RASAL2: variants seen among roughly 807,000 people sequenced by gnomAD.
RASAL2 encodes the protein RAS protein activator like 2, also known as ras GTPase-activating protein nGAP.
In RASAL2, 58 loss-of-function variants were observed where a neutral mutation model predicts 128.9. The observed-to-expected ratio is 0.45, with a 90% CI of 0.36 to 0.56. RASAL2 has a LOEUF of 0.56. Among genes scored for constraint, RASAL2 ranks in the 20% least tolerant of loss-of-function variants. The pLI, the probability that RASAL2 is intolerant of heterozygous loss-of-function variation, is 0.00. For missense variants in RASAL2, 1,360 were observed against 1,601.6 expected, an observed-to-expected ratio of 0.85 and a Z score of 2.57; for synonymous variants, 561 against 580.8, an observed-to-expected ratio of 0.97 and a Z score of 0.49.
chr1:178,271,511 G>A (rs1401374846), intron 1 of RASAL2, among the ~76,000 whole-genome samples: 1 of 152,118 alleles, frequency 6.6e-6, no homozygotes, highest in African/African-American at 2.4e-5. Context: ...TGGAGCTCTT[G>A]GAGCAATTCC....
chr1:178,447,311 G>C (rs1336493147), intron 9 of RASAL2, among the ~76,000 whole-genome samples: 1 of 149,350 alleles, frequency 6.7e-6, no homozygotes, highest in Non-Finnish European at 1.5e-5. Flanking sequence ...GACAGAGAAA[G>C]ACCTTGTCTT....
At chr1:178,121,572 A>G (rs1470550146) in intron 1 of RASAL2, among the ~76,000 whole-genome samples, 2 of 151,488 alleles carry the variant, frequency 1.3e-5, no homozygotes, top group Admixed American at 6.6e-5. Context: ...TGCAACCTCC[A>G]TCTCCCGGGT....
At chr1:178,439,708 C>A in intron 6 of RASAL2, 133 bp downstream of exon 6, 1 of 781,462 alleles carries the variant, frequency 1.3e-6, no homozygotes, top group Non-Finnish European at 1.9e-6. Flanking sequence ...AAATTATCTA[C>A]TTACAGAGAA....
intron 1 of RASAL2, among the ~76,000 whole-genome samples, chr1:178,220,645 A>G (rs1663582921): frequency 6.6e-6 from 1 of 152,216 alleles, no homozygotes; most frequent in African/African-American, 2.4e-5. Context: ...AAAAAATGAG[A>G]TATGCCTGTA....
At chr1:178,318,111 G>A (rs991591305) in intron 3 of RASAL2, among the ~76,000 whole-genome samples, 10 of 152,208 alleles carry the variant, frequency 6.6e-5, no homozygotes, top group Non-Finnish European at 1.3e-4. Flanking sequence ...CTTTGAGTGG[G>A]ATTCTTAGTC....
At chr1:178,184,753 G>T (rs1000293967) in intron 1 of RASAL2, among the ~76,000 whole-genome samples, 4 of 152,010 alleles carry the variant, frequency 2.6e-5, no homozygotes, top group Admixed American at 1.3e-4. Context: ...GCTACAGTGT[G>T]ATCCTTCAAC....
intron 1 of RASAL2, among the ~76,000 whole-genome samples, chr1:178,262,856 T>G (rs1665764181): frequency 6.6e-6 from 1 of 151,740 alleles, no homozygotes; most frequent in Non-Finnish European, 1.5e-5. Flanking sequence ...TGGTGTACAT[T>G]AAGCTGAACA....
rs1450691840 is a variant in RASAL2, at chr1:178,094,111, G to A, written c.-382G>A. 4.0e-6 allele frequency: 1 copy of A among 248,504 alleles called. No homozygotes were observed. The highest frequency in any genetic ancestry group is 7.7e-6 in the Non-Finnish European group (1 of 130,536). The allele number at this position is 248,504 out of a possible 1,614,324, so 15.4% of individuals were successfully genotyped here. A position where few individuals can be genotyped will look rare whatever the true frequency, so the allele number is the denominator to read the frequency against. On this transcript the variant is annotated 5_prime_UTR_variant, in exon 1 of 18. Coordinates refer to ENST00000367649, the MANE Select transcript of RASAL2 (RefSeq NM_170692.4). ...CCCGCTCCATCCCCAGCCAGAGCCTGGTCTGACCGCGAGAGACGCCGGCGG... is the reference window on the plus strand; with the variant it reads ...CCCGCTCCATCCCCAGCCAGAGCCTAGTCTGACCGCGAGAGACGCCGGCGG...
intron 1 of RASAL2, among the ~76,000 whole-genome samples, chr1:178,148,235 A>G (rs919925366): frequency 2.0e-5 from 3 of 151,786 alleles, no homozygotes; most frequent in African/African-American, 7.3e-5. Flanking sequence ...AAGGGATTAA[A>G]GAAGAGATAG....
At chr1:178,385,590 T>C (rs1038474552) in intron 3 of RASAL2, among the ~76,000 whole-genome samples, 7 of 152,178 alleles carry the variant, frequency 4.6e-5, no homozygotes, top group African/African-American at 1.7e-4. Context: ...TGAGTTTATA[T>C]GTTTTGGTGC....
At chr1:178,135,069 A>G (rs1158737787) in intron 1 of RASAL2, among the ~76,000 whole-genome samples, 3 of 152,188 alleles carry the variant, frequency 2.0e-5, no homozygotes, top group Non-Finnish European at 4.4e-5. Flanking sequence ...CTTCTCATCA[A>G]ACAAGGTCAA....
chr1:178,451,583 A>C lies in RASAL2; in HGVS notation c.1640A>C (p.Lys547Thr). 1 of 1,613,494 alleles carries C rather than the reference A, an allele frequency of 6.2e-7. No individual in the cohort carries two copies. Among genetic ancestry groups the C allele is most frequent in the African/African-American group, 1.3e-5 (1 of 75,008 alleles). The change falls in exon 10 of 18, where the codon AAA becomes ACA. Residue 547 changes from lysine to threonine, a missense_variant. Lys to Thr is a moderately conservative substitution (Grantham distance 78). Coordinates refer to ENST00000367649, the MANE Select transcript of RASAL2 (RefSeq NM_170692.4). Reference protein sequence around the residue: ...YLHDALGEFIKALYESDENCE... With the variant: ...YLHDALGEFITALYESDENCE... Reference sequence around the variant, plus strand: ...TCTCTTCAAATAGGGGAGTTTATCAAAGCTTTGTATGAGTCCGATGAGAAC... The same window carrying C: ...TCTCTTCAAATAGGGGAGTTTATCACAGCTTTGTATGAGTCCGATGAGAAC...
chr1:178,160,896 C>A (rs1302686930), intron 1 of RASAL2, among the ~76,000 whole-genome samples: 1 of 152,148 alleles, frequency 6.6e-6, no homozygotes, highest in Non-Finnish European at 1.5e-5. Flanking sequence ...GCTCATCACT[C>A]AGAATGATTT....
intron 4 of RASAL2, among the ~76,000 whole-genome samples, chr1:178,417,984 A>G (rs1002584203): frequency 5.3e-5 from 8 of 152,114 alleles, no homozygotes; most frequent in African/African-American, 1.9e-4. Flanking sequence ...TACATTTATT[A>G]GCAAATGTGG....
At chr1:178,332,732 C>T (rs1463467490) in intron 3 of RASAL2, among the ~76,000 whole-genome samples, 1 of 150,276 alleles carries the variant, frequency 6.7e-6, no homozygotes, top group African/African-American at 2.4e-5. Context: ...CTGCCTCAGC[C>T]TCCCAAATAG....
chr1:178,174,255 T>C (rs1661809917), intron 1 of RASAL2, among the ~76,000 whole-genome samples: 1 of 152,110 alleles, frequency 6.6e-6, no homozygotes, highest in East Asian at 1.9e-4. Flanking sequence ...TTCCTAGTAG[T>C]CATTTTAGAA....
intron 1 of RASAL2, among the ~76,000 whole-genome samples, chr1:178,096,419 TA>T: frequency 6.6e-6 from 1 of 152,170 alleles, no homozygotes; most frequent in South Asian, 2.1e-4. Context: ...TGTTGTTTTG[TA>T]GTCCATTCCT....
chr1:178,314,209 C>G (rs1192517970), intron 3 of RASAL2, among the ~76,000 whole-genome samples: 1 of 152,136 alleles, frequency 6.6e-6, no homozygotes, highest in Non-Finnish European at 1.5e-5. Context: ...GTGAGAAGAT[C>G]CAAAAGTGGA....
chr1:178,349,051 G>A (rs1287839951), intron 3 of RASAL2, among the ~76,000 whole-genome samples: 2 of 150,736 alleles, frequency 1.3e-5, no homozygotes, highest in South Asian at 2.1e-4. Context: ...CACCTGCCTC[G>A]GCCTCCCAAA....
Sources: gnomAD v4.1 joint callset for allele counts (sites outside exome capture counted in the v4.1 genomes callset) on GRCh38, gnomAD v4.1.1 for gene constraint, MANE v1.5 for transcripts, NCBI Gene and HGNC (gene_info 2026-07-23, HGNC 2026-07-21) for gene names.